FMN1: variants seen among roughly 807,000 people sequenced by gnomAD.
FMN1 encodes formin-1.
A neutral mutation model predicts 132.4 loss-of-function variants in FMN1; 110 were observed. That is an observed-to-expected ratio of 0.83 (90% CI 0.71 to 0.97). The LOEUF is 0.97. Ranked by LOEUF, FMN1 falls within the 50% of genes least tolerant of loss-of-function variation. FMN1 has a pLI of 0.00. For missense variants in FMN1, 1,792 were observed against 1,705.3 expected, an observed-to-expected ratio of 1.05 and a Z score of -0.90; for synonymous variants, 722 against 651.7, an observed-to-expected ratio of 1.11 and a Z score of -1.64.
chr15:33,067,142 T>C, intron 5 of FMN1: 2 of 1,613,978 alleles, frequency 1.2e-6, no homozygotes, highest in South Asian at 2.2e-5. Context: ...CGAATTCTGG[T>C]TTGTTACTGC....
intron 19 of FMN1, among the ~76,000 whole-genome samples, chr15:32,786,659 T>G (rs767508086): frequency 3.9e-5 from 6 of 152,198 alleles, no homozygotes; most frequent in Non-Finnish European, 8.8e-5. Flanking sequence ...AAGCTCAATA[T>G]CACATGGTTT....
intron 19 of FMN1, among the ~76,000 whole-genome samples, chr15:32,785,193 TGTGTGTG>T (rs2056821534): frequency 2.6e-5 from 1 of 38,654 alleles, no homozygotes; most frequent in Non-Finnish European, 5.4e-5. Flanking sequence ...TGTGTGTGTG[TGTGTGTG>T]TATATATATA....
chr15:32,830,064 T>C lies in FMN1; in HGVS notation c.3929-25732A>G, dbSNP rs2058464881. Among the ~76,000 whole-genome samples, 4 of 152,246 alleles carry C rather than the reference T, an allele frequency of 2.6e-5. No homozygotes were observed. In the South Asian group the frequency reaches 6.2e-4, roughly 24 times the overall value. On this transcript the variant is annotated intron_variant, in intron 17 of 20. Coordinates refer to ENST00000616417, the MANE Select transcript of FMN1 (RefSeq NM_001277313.2). Reference sequence around the variant, plus strand: ...TCTTTATTTTTAAAAGCAAATGGACTAGTGAAGGGAAATTCACTTCTCTGA... The same window carrying C: ...TCTTTATTTTTAAAAGCAAATGGACCAGTGAAGGGAAATTCACTTCTCTGA...
At chr15:33,098,778 C>T (rs1170943723) in intron 4 of FMN1, among the ~76,000 whole-genome samples, 2 of 152,184 alleles carry the variant, frequency 1.3e-5, no homozygotes, top group Non-Finnish European at 2.9e-5. Context: ...CACCACAGCT[C>T]TTACTACGTG....
chr15:33,095,413 T>G (rs1164884357), intron 4 of FMN1, among the ~76,000 whole-genome samples: 1 of 152,198 alleles, frequency 6.6e-6, no homozygotes. Context: ...TATATATTTT[T>G]GAGATGGAGT....
rs1210683290 is a variant in FMN1 at position 33,154,298 on chromosome 15, C to G, written c.617G>C (p.Arg206Thr). The change falls in exon 4 of 21, where the codon AGA (arginine) becomes ACA (threonine). Residue 206 changes from arginine to threonine, a missense_variant. Physicochemically the swap from Arg to Thr is moderately conservative, Grantham distance 71. This residue lies in a region of FMN1 where 638 missense variants were observed against 645.2 expected (regional missense o/e 0.99). Coordinates refer to ENST00000616417, the MANE Select transcript of FMN1 (RefSeq NM_001277313.2). Reference sequence around the variant, plus strand: ...TAGTACCCAAAGGTTAGGCCTTGTTCTAGAAAGAGGAAGGGAGTGGCTGGA... The same window carrying G: ...TAGTACCCAAAGGTTAGGCCTTGTTGTAGAAAGAGGAAGGGAGTGGCTGGA... ...ICSSHSLPLS[R>T]TRPNLWVLEE... The G allele has an allele frequency of 1.3e-6, 2 of 1,536,206 alleles. No individual in the cohort carries two copies. The highest frequency in any genetic ancestry group is 2.4e-5 in the South Asian group (2 of 84,066).
intron 4 of FMN1, among the ~76,000 whole-genome samples, chr15:33,130,055 T>C (rs1314960457): frequency 6.6e-6 from 1 of 151,994 alleles, no homozygotes; most frequent in African/African-American, 2.4e-5. Context: ...CACCTCGTGA[T>C]CCACCTGACC....
chr15:33,064,828 AAAG>A (rs1566881687), intron 6 of FMN1, 126 bp downstream of exon 6: 1 of 619,730 alleles, frequency 1.6e-6, no homozygotes, highest in Non-Finnish European at 2.7e-6. Context: ...GCAAAACCAA[AAAG>A]AAACCCTTCA....
intron 3 of FMN1, among the ~76,000 whole-genome samples, chr15:33,169,554 T>C (rs1965234084): frequency 6.6e-6 from 1 of 152,074 alleles, no homozygotes; most frequent in African/African-American, 2.4e-5. Flanking sequence ...CCAGGGAATT[T>C]CTGGGAATTA....
In FMN1 at chr15:32,848,982, T is replaced by G. The variant is rs987607506; in HGVS notation, c.3928+8033A>C. 3.8e-4 allele frequency among the ~76,000 whole-genome samples: 44 copies of G among 114,564 alleles called. 1 individual carries two copies. The highest frequency in any genetic ancestry group is 1.0e-3 in the Admixed American group (13 of 12,474). 75.2% of individuals were successfully genotyped at this position (114,564 alleles called of 152,430 possible). A position where few individuals can be genotyped will look rare whatever the true frequency, so the allele number is the denominator to read the frequency against. On this transcript the variant is annotated intron_variant, in intron 17 of 20. Transcript: ENST00000616417. Reference sequence around the variant, plus strand: ...TCTTGGGTTAGTTCTCTTTTGTTTTTTTTTTTTTTTTTTTTTTCAGAGACA... The same window carrying G: ...TCTTGGGTTAGTTCTCTTTTGTTTTGTTTTTTTTTTTTTTTTTCAGAGACA...
intron 6 of FMN1, among the ~76,000 whole-genome samples, chr15:33,037,961 C>T (rs1172865769): frequency 6.6e-6 from 1 of 152,210 alleles, no homozygotes; most frequent in South Asian, 2.1e-4. Context: ...TGTGGTGGCT[C>T]ACGCCTATAA....
At chr15:33,144,472 G>C (rs2468755) in intron 4 of FMN1, among the ~76,000 whole-genome samples, 70,411 of 151,526 alleles carry the variant, frequency 0.46, 16,654 homozygotes, top group East Asian at 0.68. Flanking sequence ...CCCATCTCCA[G>C]TAAAAATACA....
intron 16 of FMN1, among the ~76,000 whole-genome samples, chr15:32,887,602 A>G (rs2141482215): frequency 6.6e-6 from 1 of 152,336 alleles, no homozygotes; most frequent in South Asian, 2.1e-4. Flanking sequence ...AACATACAGG[A>G]ACATGTGTGT....
chr15:33,130,325 T>C (rs1963485856), intron 4 of FMN1, among the ~76,000 whole-genome samples: 1 of 152,234 alleles, frequency 6.6e-6, no homozygotes, highest in Non-Finnish European at 1.5e-5. Context: ...TATACATAAA[T>C]ATACACACTT....
chr15:32,771,844 T>C lies in FMN1; in HGVS notation c.*2466A>G, dbSNP rs186938486. 2.0e-5 allele frequency: 3 copies of C among 152,326 alleles called. No individual in the cohort carries two copies. The highest frequency in any genetic ancestry group is 4.4e-5 in the Non-Finnish European group (3 of 68,044). 9.4% of individuals were successfully genotyped at this position (152,326 alleles called of 1,614,324 possible). On this transcript the variant is annotated 3_prime_UTR_variant, in exon 21 of 21. Coordinates refer to ENST00000616417, the MANE Select transcript of FMN1 (RefSeq NM_001277313.2). ...TTTTAGATGAACTTCCTTGAACAAA[T>C]TGTCATTGACCTTTACTGAGCATCA...
intron 17 of FMN1, among the ~76,000 whole-genome samples, chr15:32,822,407 G>A (rs1423782037): frequency 1.3e-5 from 2 of 152,110 alleles, no homozygotes; most frequent in African/African-American, 4.8e-5. Context: ...TAGGCTCTGC[G>A]TTTCTCAAAA....
chr15:32,776,874 C>G lies in FMN1; in HGVS notation c.4176G>C (p.Lys1392Asn). Reference protein sequence around the residue: ...QESVSKLTSEKKVETKKINPT... With the variant: ...QESVSKLTSENKVETKKINPT... ...GATTGATTTTCTTTGTCTCCACTTT[C>G]TTCTCTGAAGTCAACTTGCTGACTG... is the stretch of plus-strand genomic sequence containing the variant. The change falls in exon 20 of 21, where the codon AAG (lysine) becomes AAC (asparagine). Residue 1392 changes from lysine (K) to asparagine (N), a missense_variant. Physicochemically the swap from Lys to Asn is moderately conservative, Grantham distance 94. This residue lies in a region of FMN1 where 1,150 missense variants were observed against 1,043.1 expected (regional missense o/e 1.10). Coordinates refer to ENST00000616417, the MANE Select transcript of FMN1 (RefSeq NM_001277313.2). 1 of 1,597,566 alleles carries G rather than the reference C, an allele frequency of 6.3e-7. No individual in the cohort carries two copies.
At chr15:32,847,055 A>T (rs1050522252) in intron 17 of FMN1, among the ~76,000 whole-genome samples, 1 of 152,208 alleles carries the variant, frequency 6.6e-6, no homozygotes, top group Non-Finnish European at 1.5e-5. Flanking sequence ...ATGCAATTGC[A>T]GCTCCAGAGT....
At chr15:32,808,230 T>C (rs1438345140) in intron 17 of FMN1, among the ~76,000 whole-genome samples, 4 of 152,252 alleles carry the variant, frequency 2.6e-5, no homozygotes, top group Non-Finnish European at 5.9e-5. Context: ...TTCTATTCCA[T>C]GGCTATGGGC....
Sources: gnomAD v4.1 joint callset for allele counts (sites outside exome capture counted in the v4.1 genomes callset) on GRCh38, gnomAD v4.1.1 for gene constraint, gnomAD v4.1.1 regional missense constraint, MANE v1.5 for transcripts, NCBI Gene and HGNC (gene_info 2026-07-23, HGNC 2026-07-21) for gene names.